Variants in CDH12 observed in about 807,000 individuals in gnomAD.
CDH12 encodes the protein cadherin 12, also known as cadherin-12.
CDH12 carries 41 observed loss-of-function variants against 74.1 expected under a neutral mutation model. The ratio of observed to expected loss-of-function variants is 0.55; its 90% CI spans 0.43 to 0.72. CDH12 has a LOEUF of 0.72. CDH12 is among the 30% of genes least tolerant of loss of function. The probability of loss-of-function intolerance (pLI) is 0.00; values close to 1 mark genes in which losing one functional copy is unlikely to be tolerated. For synonymous variants in CDH12, 399 were observed against 355.0 expected (o/e 1.12, Z -1.39); for missense variants, 945 against 977.2 (o/e 0.97, Z 0.44).
intron 6 of CDH12, among the ~76,000 whole-genome samples, chr5:21,962,489 T>C (rs1222161352): frequency 6.6e-6 from 1 of 152,188 alleles, no homozygotes; most frequent in Non-Finnish European, 1.5e-5. Flanking sequence ...ATATTCATAA[T>C]ATATATCTGT....
At chr5:22,099,428 C>T (rs796471599) in intron 4 of CDH12, among the ~76,000 whole-genome samples, 1 of 152,178 alleles carries the variant, frequency 6.6e-6, no homozygotes, top group Non-Finnish European at 1.5e-5. Context: ...ATACTTTTAT[C>T]ACTTTCCCTT....
chr5:22,828,295 G>A (rs1399178746), intron 1 of CDH12, among the ~76,000 whole-genome samples: 1 of 152,034 alleles, frequency 6.6e-6, no homozygotes, highest in Non-Finnish European at 1.5e-5. Flanking sequence ...CAAAAAAATG[G>A]AAAGATATTG....
At chr5:21,775,824 C>A (rs1267365530) in intron 11 of CDH12, among the ~76,000 whole-genome samples, 1 of 152,010 alleles carries the variant, frequency 6.6e-6, no homozygotes, top group Non-Finnish European at 1.5e-5. Context: ...TTTCTCTTGA[C>A]ATTTTCAGTG....
At chr5:21,894,447 G>A (rs1223446442) in intron 6 of CDH12, among the ~76,000 whole-genome samples, 1 of 149,358 alleles carries the variant, frequency 6.7e-6, no homozygotes, top group Non-Finnish European at 1.5e-5. Flanking sequence ...CCAGGACACT[G>A]ATTTGATTAC....
At chr5:22,167,428 T>C (rs546882693) in intron 4 of CDH12, among the ~76,000 whole-genome samples, 2 of 152,256 alleles carry the variant, frequency 1.3e-5, no homozygotes, top group Admixed American at 1.3e-4. Flanking sequence ...ACAGTGGTAA[T>C]GGTATTGGTG....
chr5:22,678,253 G>A lies in CDH12; in HGVS notation c.-522-172889C>T, dbSNP rs572820409. 2.2e-3 allele frequency among the ~76,000 whole-genome samples: 331 copies of A among 152,036 alleles called. 4 individuals carry two copies. The highest frequency in any genetic ancestry group is 3.1e-3 in the Non-Finnish European group (209 of 67,972). ...GATGCTAAACTCTTAGTGTGCACAG[G>A]AGCATGTTCTATACACACAATTTTT... On this transcript the variant is annotated intron_variant, in intron 1 of 14. Coordinates refer to ENST00000382254, the MANE Select transcript of CDH12 (RefSeq NM_004061.5).
At chr5:21,829,733 C>G (rs1413518986) in intron 8 of CDH12, among the ~76,000 whole-genome samples, 1 of 152,174 alleles carries the variant, frequency 6.6e-6, no homozygotes, top group Non-Finnish European at 1.5e-5. Context: ...TGTCAGAAAT[C>G]TATGTATTAA....
chr5:22,584,552 TG>T (rs1032288305), intron 1 of CDH12, among the ~76,000 whole-genome samples: 16 of 152,322 alleles, frequency 1.1e-4, no homozygotes, highest in East Asian at 7.7e-4. Context: ...TGAATTTTTT[TG>T]TGTGTTACAA....
intron 3 of CDH12, among the ~76,000 whole-genome samples, chr5:22,286,413 C>T (rs1737136396): frequency 6.6e-6 from 1 of 152,128 alleles, no homozygotes; most frequent in African/African-American, 2.4e-5. Context: ...CTTTATAGCA[C>T]TTCAACTACA....
At chr5:21,897,678 G>C (rs778934928) in intron 6 of CDH12, among the ~76,000 whole-genome samples, 10 of 152,114 alleles carry the variant, frequency 6.6e-5, no homozygotes, top group Non-Finnish European at 1.2e-4. Flanking sequence ...TGCTTTTATA[G>C]TAAGATTTCA....
intron 4 of CDH12, among the ~76,000 whole-genome samples, chr5:22,149,610 A>C (rs2150307927): frequency 6.6e-6 from 1 of 152,336 alleles, no homozygotes; most frequent in Non-Finnish European, 1.5e-5. Flanking sequence ...GAGTTTCAGT[A>C]GAGTCTCTAT....
chr5:22,806,879 G>A (rs1394380389), intron 1 of CDH12, among the ~76,000 whole-genome samples: 2 of 152,066 alleles, frequency 1.3e-5, no homozygotes, highest in Non-Finnish European at 2.9e-5. Context: ...TTAGCCCTTT[G>A]TCAGATGGAT....
At chr5:22,791,060 T>G (rs752518675) in intron 1 of CDH12, among the ~76,000 whole-genome samples, 6 of 152,204 alleles carry the variant, frequency 3.9e-5, no homozygotes, top group Non-Finnish European at 8.8e-5. Context: ...GCTGTATGTC[T>G]GAATTAATTT....
chr5:22,774,829 T>C (rs2126323890), intron 1 of CDH12, among the ~76,000 whole-genome samples: 2 of 152,030 alleles, frequency 1.3e-5, no homozygotes, highest in South Asian at 4.2e-4. Context: ...TGGGGACTAT[T>C]AGAGTGGGGA....
intron 1 of CDH12, among the ~76,000 whole-genome samples, chr5:22,800,462 C>A (rs1037806725): frequency 6.6e-6 from 1 of 152,094 alleles, no homozygotes; most frequent in Non-Finnish European, 1.5e-5. Flanking sequence ...TACCCGTTTA[C>A]CCACTAGTCC....
intron 4 of CDH12, among the ~76,000 whole-genome samples, chr5:22,169,384 A>G (rs1459622397): frequency 1.3e-5 from 2 of 152,018 alleles, no homozygotes; most frequent in Non-Finnish European, 2.9e-5. Context: ...ATGCATCTAA[A>G]AATGAACAGT....
intron 4 of CDH12, among the ~76,000 whole-genome samples, chr5:22,106,209 T>A (rs946163214): frequency 2.6e-5 from 4 of 152,126 alleles, no homozygotes; most frequent in Admixed American, 1.3e-4. Context: ...GATGAAATAA[T>A]GTATACAACA....
intron 1 of CDH12, among the ~76,000 whole-genome samples, chr5:22,703,738 G>A (rs1742841034): frequency 6.6e-6 from 1 of 152,056 alleles, no homozygotes; most frequent in South Asian, 2.1e-4. Context: ...TATTGTGAAA[G>A]AGAAATTATA....
In CDH12 at chr5:22,004,822, G is replaced by C. The variant is rs188725416; in HGVS notation, c.232-29437C>G. On this transcript the variant is annotated intron_variant, in intron 5 of 14. Coordinates refer to ENST00000382254, the MANE Select transcript of CDH12 (RefSeq NM_004061.5). ...CCCTCCTATCCTCCCCACTTTTAGA[G>C]CCCCAATGCCTATTATTTTCCTCTT... 5.9e-4 allele frequency among the ~76,000 whole-genome samples: 89 copies of C among 152,078 alleles called. 1 individual carries two copies. The highest frequency in any genetic ancestry group is 5.3e-3 in the Admixed American group (81 of 15,278).
Sources: gnomAD v4.1 joint callset for allele counts (sites outside exome capture counted in the v4.1 genomes callset) on GRCh38, gnomAD v4.1.1 for gene constraint, MANE v1.5 for transcripts, NCBI Gene and HGNC (gene_info 2026-07-23, HGNC 2026-07-21) for gene names.